COL4A5: variants seen among roughly 807,000 people sequenced by gnomAD.
COL4A5 encodes collagen type IV alpha 5 chain, also known as collagen alpha-5(IV) chain.
COL4A5 carries 26 observed loss-of-function variants against 130.2 expected under a neutral mutation model. The observed-to-expected ratio is 0.20, with a 90% CI of 0.15 to 0.28. The LOEUF (loss-of-function observed/expected upper bound fraction) is 0.28, where lower values mean the gene tolerates loss of function less well. Ranked by LOEUF, COL4A5 falls within the 10% of genes least tolerant of loss-of-function variation. The pLI, the probability that COL4A5 is intolerant of heterozygous loss-of-function variation, is 1.00. For synonymous variants in COL4A5, 496 were observed against 439.6 expected (o/e 1.13, Z -1.60); for missense variants, 1,131 against 1,344.3 (o/e 0.84, Z 2.48).
At chrX:108,469,663 T>C (rs1282795978) in intron 1 of COL4A5, among the ~76,000 whole-genome samples, 1 of 111,847 alleles carries the variant, frequency 8.9e-6, no homozygotes, top group Non-Finnish European at 1.9e-5. Context: ...AACAACATAA[T>C]TTGCACATAT....
intron 1 of COL4A5, among the ~76,000 whole-genome samples, chrX:108,501,458 A>G (rs1452493036): frequency 8.9e-6 from 1 of 111,950 alleles, no homozygotes; most frequent in African/African-American, 3.2e-5. Context: ...ACTAAATTGA[A>G]TAATGTACCT....
At chrX:108,626,513 G>A in intron 36 of COL4A5, 164 bp downstream of exon 36, 15 of 1,152,271 alleles carry the variant, frequency 1.3e-5, no homozygotes, top group Non-Finnish European at 1.6e-5. Context: ...AAGAAGATAT[G>A]TTTTAGGGTT....
At position 108,578,106 on chromosome X, in the gene COL4A5, C is replaced by T. The variant is rs1196820381; in HGVS notation, c.674C>T (p.Pro225Leu). The T allele has an allele frequency of 8.3e-7, 1 of 1,210,277 alleles. No individual in the cohort carries two copies. The highest frequency in any genetic ancestry group is 2.2e-5 in the Admixed American group (1 of 45,961). Residue 225 changes from proline to leucine, a missense_variant, in exon 12 of 53, where the codon CCC becomes CTC. Coordinates refer to ENST00000328300, the MANE Select transcript of COL4A5 (RefSeq NM_033380.3). ...AATATGGGCTTAAATTTCCAGGGACCCAAAGGTGAAAAAGTGAGTAAAGAA... is the reference window on the plus strand; with the variant it reads ...AATATGGGCTTAAATTTCCAGGGACTCAAAGGTGAAAAAGTGAGTAAAGAA... ...KGNMGLNFQGPKGEKGEQGLQ... is the reference protein window; with the variant it reads ...KGNMGLNFQGLKGEKGEQGLQ...
At chrX:108,592,556 A>G (rs1446533392) in intron 21 of COL4A5, among the ~76,000 whole-genome samples, 1 of 110,459 alleles carries the variant, frequency 9.1e-6, no homozygotes, top group Non-Finnish European at 1.9e-5. Context: ...ACATACTCCA[A>G]TCAAGATTTC....
At chrX:108,457,889 T>C (rs1308235501) in intron 1 of COL4A5, among the ~76,000 whole-genome samples, 2 of 112,144 alleles carry the variant, frequency 1.8e-5, no homozygotes, top group Admixed American at 1.9e-4. Context: ...GATCCATCCA[T>C]GTTATATGCA....
At chrX:108,647,012 C>T (rs1224951789) in intron 36 of COL4A5, among the ~76,000 whole-genome samples, 16 of 110,792 alleles carry the variant, frequency 1.4e-4, no homozygotes, top group Non-Finnish European at 1.9e-4. Flanking sequence ...AGTCAGGTAG[C>T]GTGATGCCTC....
Position 108,540,387 on chromosome X carries a change from T to C in COL4A5, c.141+582T>C, listed in dbSNP as rs749328841. Among the ~76,000 whole-genome samples, 3 of 112,336 alleles carry C rather than the reference T, an allele frequency of 2.7e-5. 1 individual carries two copies. In the Admixed American group the frequency reaches 2.8e-4, roughly 11 times the overall value. ...TATCAAGCTACTAATCTCTGCCAGA[T>C]ACCAGGCAATATCATGTATTTTTAT... On this transcript the variant is annotated intron_variant, in intron 2 of 52. Transcript: ENST00000328300.
chrX:108,500,340 G>A (rs1324028574), intron 1 of COL4A5, among the ~76,000 whole-genome samples: 1 of 111,689 alleles, frequency 9.0e-6, no homozygotes, highest in Non-Finnish European at 1.9e-5. Flanking sequence ...TGCTTTTTGG[G>A]ACGAGGTCCA....
intron 36 of COL4A5, among the ~76,000 whole-genome samples, chrX:108,635,882 A>G (rs756872473): frequency 8.9e-6 from 1 of 112,620 alleles, no homozygotes; most frequent in Non-Finnish European, 1.9e-5. Flanking sequence ...AGAAGCAGAA[A>G]ACCAAATAGC....
At chrX:108,495,843 A>G (rs2065030477) in intron 1 of COL4A5, among the ~76,000 whole-genome samples, 1 of 112,290 alleles carries the variant, frequency 8.9e-6, no homozygotes, top group African/African-American at 3.2e-5. Context: ...TGGGTTCAGC[A>G]TCCTGGACTT....
At chrX:108,530,909 C>T (rs1401557750) in intron 1 of COL4A5, among the ~76,000 whole-genome samples, 106 of 103,651 alleles carry the variant, frequency 1.0e-3, no homozygotes, top group African/African-American at 2.4e-3. Context: ...CACATGCACA[C>T]GTATGTTTAT....
chrX:108,465,968 G>T (rs1182915925), intron 1 of COL4A5, among the ~76,000 whole-genome samples: 1 of 111,347 alleles, frequency 9.0e-6, no homozygotes, highest in Admixed American at 9.5e-5. Context: ...TTCTGTCTCT[G>T]TGGATTTACC....
intron 36 of COL4A5, among the ~76,000 whole-genome samples, chrX:108,636,396 G>T (rs1263208610): frequency 9.1e-6 from 1 of 110,348 alleles, no homozygotes; most frequent in East Asian, 2.8e-4. Flanking sequence ...TTAGGTAATG[G>T]TTTCTTAGCT....
chrX:108,662,712 A>T (rs2067987561), intron 37 of COL4A5, among the ~76,000 whole-genome samples: 1 of 112,064 alleles, frequency 8.9e-6, no homozygotes, highest in Non-Finnish European at 1.9e-5. Context: ...GGAAATAAGG[A>T]CACAAACAAA....
intron 37 of COL4A5, among the ~76,000 whole-genome samples, chrX:108,661,518 A>G (rs781292588): frequency 8.9e-6 from 1 of 111,984 alleles, no homozygotes; most frequent in African/African-American, 3.2e-5. Flanking sequence ...CATATTTATT[A>G]TAGCTATTTT....
intron 44 of COL4A5, among the ~76,000 whole-genome samples, chrX:108,678,287 G>GA (rs776088881): frequency 6.3e-5 from 7 of 111,154 alleles, no homozygotes; most frequent in African/African-American, 2.3e-4. Flanking sequence ...CTTTATGGCA[G>GA]AAAAAAAGTA....
chrX:108,495,860 A>G (rs1432217375), intron 1 of COL4A5, among the ~76,000 whole-genome samples: 1 of 112,285 alleles, frequency 8.9e-6, no homozygotes, highest in Non-Finnish European at 1.9e-5. Flanking sequence ...ACTTCCACTC[A>G]CCAAGACCAA....
intron 1 of COL4A5, among the ~76,000 whole-genome samples, chrX:108,454,921 T>A (rs2064569460): frequency 8.9e-6 from 1 of 111,807 alleles, no homozygotes; most frequent in Non-Finnish European, 1.9e-5. Flanking sequence ...CCTACTTCTA[T>A]GATTTTAAAG....
chrX:108,613,564 A>G (rs1188803389), intron 29 of COL4A5, among the ~76,000 whole-genome samples: 1 of 112,313 alleles, frequency 8.9e-6, no homozygotes. Context: ...TGAACTCTCA[A>G]AACTCAATAA....
Sources: gnomAD v4.1 joint callset for allele counts (sites outside exome capture counted in the v4.1 genomes callset) on GRCh38, gnomAD v4.1.1 for gene constraint, MANE v1.5 for transcripts, NCBI Gene and HGNC (gene_info 2026-07-23, HGNC 2026-07-21) for gene names.